Variants in EYS observed in about 807,000 individuals in gnomAD.
The protein encoded by EYS is EGF-like photoreceptor maintenance factor.
Under a neutral mutation model 282.1 loss-of-function variants are expected in EYS, and 250 were observed. The ratio of observed to expected loss-of-function variants is 0.89; its 90% CI spans 0.80 to 0.98. The LOEUF (loss-of-function observed/expected upper bound fraction) is 0.98, where lower values mean the gene tolerates loss of function less well. Ranked by LOEUF, EYS falls within the 50% of genes least tolerant of loss-of-function variation. The pLI, the probability that EYS is intolerant of heterozygous loss-of-function variation, is 0.00. For synonymous variants in EYS, 1,355 were observed against 1,282.9 expected, an observed-to-expected ratio of 1.06 and a Z score of -1.20; for missense variants, 4,016 against 3,709.0, an observed-to-expected ratio of 1.08 and a Z score of -2.15.
At chr6:65,343,145 G>A (rs1259735229) in intron 10 of EYS, among the ~76,000 whole-genome samples, 3 of 151,110 alleles carry the variant, frequency 2.0e-5, no homozygotes, top group Non-Finnish European at 4.4e-5. Flanking sequence ...ATGTTCTGTG[G>A]TATTTGAAGT....
At chr6:63,956,556 G>C (rs891267423) in intron 35 of EYS, among the ~76,000 whole-genome samples, 1 of 152,076 alleles carries the variant, frequency 6.6e-6, no homozygotes, top group Admixed American at 6.5e-5. Flanking sequence ...CCCATAGAAC[G>C]TTTGGTGGGT....
chr6:63,802,330 GACAAATAC>G, intron 37 of EYS, among the ~76,000 whole-genome samples: 1 of 151,990 alleles, frequency 6.6e-6, no homozygotes, highest in Non-Finnish European at 1.5e-5. Flanking sequence ...AGAGCATTAG[GACAAATAC>G]CTAATGCATG....
intron 15 of EYS, among the ~76,000 whole-genome samples, chr6:64,924,079 C>A (rs1768436611): frequency 6.6e-6 from 1 of 152,198 alleles, no homozygotes; most frequent in Non-Finnish European, 1.5e-5. Flanking sequence ...CAGAGGTTCT[C>A]CATGAGGACC....
intron 30 of EYS, among the ~76,000 whole-genome samples, chr6:64,293,104 T>C (rs1768775065): frequency 6.6e-6 from 1 of 152,102 alleles, no homozygotes; most frequent in Non-Finnish European, 1.5e-5. Context: ...AATCTTAAAT[T>C]CCCTTGTGAA....
At chr6:65,615,462 T>C (rs1766156791) in intron 2 of EYS, among the ~76,000 whole-genome samples, 1 of 150,578 alleles carries the variant, frequency 6.6e-6, no homozygotes, top group South Asian at 2.1e-4. Flanking sequence ...ATATTATCTA[T>C]GTAGACACAA....
At chr6:65,542,872 T>A (rs1195390398) in intron 2 of EYS, among the ~76,000 whole-genome samples, 1 of 152,198 alleles carries the variant, frequency 6.6e-6, no homozygotes, top group Admixed American at 6.5e-5. Flanking sequence ...AAAATATTTA[T>A]CTGCACTGTT....
intron 26 of EYS, among the ~76,000 whole-genome samples, chr6:64,553,547 C>CCCAA (rs1765152090): frequency 1.4e-5 from 1 of 69,592 alleles, no homozygotes; most frequent in Non-Finnish European, 2.7e-5. Context: ...TTTGTTTGAC[C>CCCAA]CCCCCCCCCC....
chr6:63,924,301 GT>G (rs1292366387), intron 35 of EYS, among the ~76,000 whole-genome samples: 1 of 152,128 alleles, frequency 6.6e-6, no homozygotes. Flanking sequence ...TTTAATACCA[GT>G]TTCTATGCAA....
chr6:64,198,084 C>T (rs918635523), intron 31 of EYS, among the ~76,000 whole-genome samples: 4 of 151,948 alleles, frequency 2.6e-5, no homozygotes, highest in African/African-American at 9.7e-5. Flanking sequence ...GCTCCGCTTC[C>T]CGGGTTCACG....
chr6:65,475,752 G>GACAC (rs199612356), intron 5 of EYS, among the ~76,000 whole-genome samples: 1,887 of 144,680 alleles, frequency 0.013, 39 homozygotes, highest in African/African-American at 0.043. Context: ...CAGACAGACA[G>GACAC]ACAGACACAC....
rs148801945 is a variant in EYS, at chr6:64,800,961, A to G, written c.3443+12417T>C. On this transcript the variant is annotated intron_variant, in intron 22 of 42. Transcript: ENST00000503581. ...CATTAAGCACAATAAAGTATTTATCAGTGTTCAAAATTACTATTTTTTACG... is the reference window on the plus strand; with the variant it reads ...CATTAAGCACAATAAAGTATTTATCGGTGTTCAAAATTACTATTTTTTACG... Among the ~76,000 whole-genome samples, 876 of 152,194 alleles carry G rather than the reference A, an allele frequency of 5.8e-3. 10 individuals carry two copies. The highest frequency in any genetic ancestry group is 0.02 in the African/African-American group (831 of 41,582).
At chr6:64,453,384 T>C (rs551211400) in intron 26 of EYS, among the ~76,000 whole-genome samples, 11 of 152,222 alleles carry the variant, frequency 7.2e-5, no homozygotes, top group African/African-American at 1.9e-4. Context: ...TGTGGAGAAA[T>C]AGGAATGCTT....
At chr6:64,350,191 T>A (rs1419222840) in intron 29 of EYS, among the ~76,000 whole-genome samples, 1 of 151,522 alleles carries the variant, frequency 6.6e-6, no homozygotes. Context: ...CAGATCATCG[T>A]ATTACTTCAG....
intron 27 of EYS, 93 bp downstream of exon 27, chr6:64,439,064 AGAGTT>A (rs1303491001): frequency 4.8e-6 from 3 of 625,628 alleles, no homozygotes; most frequent in East Asian, 6.4e-5. Context: ...TATAATATAT[AGAGTT>A]AAGTTTAAAT....
At chr6:65,182,449 AG>A (rs1432887029) in intron 12 of EYS, among the ~76,000 whole-genome samples, 4 of 151,404 alleles carry the variant, frequency 2.6e-5, no homozygotes, top group African/African-American at 9.7e-5. Flanking sequence ...ATGGTTCTTA[AG>A]GTTTTACATC....
chr6:64,887,197 G>A (rs1051563937), intron 18 of EYS, among the ~76,000 whole-genome samples: 19 of 147,042 alleles, frequency 1.3e-4, no homozygotes, highest in Admixed American at 4.9e-4. Context: ...ACCAAACACC[G>A]CATGTTCTCA....
intron 7 of EYS, among the ~76,000 whole-genome samples, chr6:65,399,356 C>T (rs909796534): frequency 1.3e-5 from 2 of 151,756 alleles, no homozygotes; most frequent in African/African-American, 4.8e-5. Flanking sequence ...CAAGTCAAGA[C>T]CTTCCATTTC....
chr6:65,026,714 G>A (rs971236627), intron 13 of EYS, among the ~76,000 whole-genome samples: 3 of 152,032 alleles, frequency 2.0e-5, no homozygotes, highest in African/African-American at 2.4e-5. Flanking sequence ...TCAGGAGATC[G>A]AGACTGTCCT....
intron 22 of EYS, among the ~76,000 whole-genome samples, chr6:64,635,400 C>A (rs565010253): frequency 3.3e-5 from 5 of 152,074 alleles, no homozygotes; most frequent in African/African-American, 7.2e-5. Context: ...TGTCTTGTGC[C>A]GGTTTTCAAA....
Sources: gnomAD v4.1 joint callset for allele counts (sites outside exome capture counted in the v4.1 genomes callset) on GRCh38, gnomAD v4.1.1 for gene constraint, MANE v1.5 for transcripts, NCBI Gene and HGNC (gene_info 2026-07-23, HGNC 2026-07-21) for gene names.